The following EVI5L variants were observed in gnomAD, a reference collection of about 807,000 sequenced individuals.
EVI5L encodes ecotropic viral integration site 5 like.
In EVI5L, 30 loss-of-function variants were observed where a neutral mutation model predicts 106.1. The observed-to-expected ratio is 0.28, with a 90% confidence interval of 0.21 to 0.38. The LOEUF (loss-of-function observed/expected upper bound fraction) is 0.38, where lower values mean the gene tolerates loss of function less well. Among genes scored for constraint, EVI5L ranks in the 10% least tolerant of loss-of-function variants. The pLI is 1.00. For synonymous variants in EVI5L, 489 were observed against 483.3 expected, an observed-to-expected ratio of 1.01 and a Z score of -0.15; for missense variants, 809 against 1,098.0, an observed-to-expected ratio of 0.74 and a Z score of 3.72.
chr19:7,860,910 C>A (rs1022043911), intron 14 of EVI5L, among the ~76,000 whole-genome samples: 1 of 152,140 alleles, frequency 6.6e-6, no homozygotes, highest in Non-Finnish European at 1.5e-5. Flanking sequence ...TTCCCGGATA[C>A]CTGCATCCCA....
chr19:7,848,516 G>A lies in EVI5L; in HGVS notation c.328-405G>A, dbSNP rs1979071036. Among the ~76,000 whole-genome samples, 1 of 151,900 alleles carries A rather than the reference G, an allele frequency of 6.6e-6. No homozygotes were observed. Among genetic ancestry groups the A allele is most frequent in the Admixed American group, 6.6e-5 (1 of 15,234 alleles). On this transcript the variant is annotated intron_variant, in intron 3 of 19. Transcript: ENST00000538904. This position sits in a 1 kb window ranked among gnomAD's most constrained non-coding sequence, Gnocchi z 4.8. ...GGAGGCTGAGGCAGGAGAATCACTTGAACCTGGGAGGCAAGAGGTAGCAGT... is the reference window on the plus strand; with the variant it reads ...GGAGGCTGAGGCAGGAGAATCACTTAAACCTGGGAGGCAAGAGGTAGCAGT...
At chr19:7,834,069 C>A (rs901793216) in intron 1 of EVI5L, among the ~76,000 whole-genome samples, 1 of 152,276 alleles carries the variant, frequency 6.6e-6, no homozygotes, top group East Asian at 1.9e-4. Flanking sequence ...ATCTGAGGCC[C>A]GGCACGGTGG....
chr19:7,849,312 G>A lies in EVI5L; in HGVS notation c.609G>A (p.Val203=). 4 of 1,614,158 alleles carry A rather than the reference G, an allele frequency of 2.5e-6. No individual in the cohort carries two copies. Among genetic ancestry groups the A allele is most frequent in the Non-Finnish European group, 3.4e-6 (4 of 1,180,034 alleles). The change falls in exon 5 of 20, where the codon GTG becomes GTA. Residue 203 remains valine, a synonymous_variant. Transcript: ENST00000538904. ...ACTGCCAGGGAAGCGCCTTCATCGTGGGCCTGCTCCTCATGCAGGTAGGTG... is the reference window on the plus strand; with the variant it reads ...ACTGCCAGGGAAGCGCCTTCATCGTAGGCCTGCTCCTCATGCAGGTAGGTG... ...VGYCQGSAFI[V]GLLLMQMPEE...
chr19:7,864,498 T>C lies in EVI5L; in HGVS notation c.*796T>C, dbSNP rs1347538660. The C allele has an allele frequency of 6.6e-6, 1 of 152,276 alleles. No individual in the cohort carries two copies. Among genetic ancestry groups the C allele is most frequent in the East Asian group, 1.9e-4 (1 of 5,174 alleles). The allele number at this position is 152,276 out of a possible 1,614,324, so 9.4% of individuals were successfully genotyped here. On this transcript the variant is annotated 3_prime_UTR_variant, in exon 20 of 20. Transcript: ENST00000538904. The surrounding 1 kb of genome is among the most constrained non-coding windows in gnomAD (Gnocchi z 4.5). ...GGGGTATCTCTACAGGGGTCCTCGG[T>C]CTCCATCTACTTCCCTTTCTTCATG...
In EVI5L at chr19:7,845,985, C is replaced by T. The variant is rs1035295214; in HGVS notation, c.-47-511C>T. On this transcript the variant is annotated intron_variant, in intron 1 of 19. Coordinates refer to ENST00000538904, the MANE Select transcript of EVI5L (RefSeq NM_001159944.3). This position sits in a 1 kb window ranked among gnomAD's most constrained non-coding sequence, Gnocchi z 4.0. ...ACAGTCGAAAGTAATTGCTCTTGGC[C>T]GTGCCAGCAGCCCACTTTGGTTGAT... Among the ~76,000 whole-genome samples, 3 of 152,158 alleles carry T rather than the reference C, an allele frequency of 2.0e-5. No individual in the cohort carries two copies. The highest frequency in any genetic ancestry group is 7.2e-5 in the African/African-American group (3 of 41,420).
chr19:7,853,664 G>A, intron 10 of EVI5L: 1 of 364,128 alleles, frequency 2.7e-6, no homozygotes, highest in Non-Finnish European at 5.2e-6. Context: ...CGGTGGGCAA[G>A]GCTGACTTGG....
chr19:7,859,981 C>G (rs1030222099), intron 13 of EVI5L, among the ~76,000 whole-genome samples: 1 of 152,250 alleles, frequency 6.6e-6, no homozygotes, highest in African/African-American at 2.4e-5. Context: ...GCCCGGCTCC[C>G]ACCCCAGGGA....
In EVI5L at chr19:7,861,842, C is replaced by T. The variant is rs769119825; in HGVS notation, c.1504-36C>T. On this transcript the variant is annotated intron_variant, in intron 14 of 19. Coordinates refer to ENST00000538904, the MANE Select transcript of EVI5L (RefSeq NM_001159944.3). ...CTGCAGGAAGGGCCATGCGGCTGCG[C>T]TGCTCCCCCAGGCCCTGACCCCACT... 3.9e-6 allele frequency: 6 copies of T among 1,548,840 alleles called. No homozygotes were observed. In the South Asian group the frequency reaches 7.1e-5, roughly 18 times the overall value.
At position 7,851,762 on chromosome 19, in the gene EVI5L, A is replaced by T; in HGVS notation, c.979A>T (p.Met327Leu). ...GCTGATGCAGCTGGACATGGAGGGGATGTCCCAGGTGGGCCGGGAGGGCCA... is the reference window on the plus strand; with the variant it reads ...GCTGATGCAGCTGGACATGGAGGGGTTGTCCCAGGTGGGCCGGGAGGGCCA... ...AELMQLDMEGMSQYFQRVIPH... is the reference protein window; with the variant it reads ...AELMQLDMEGLSQYFQRVIPH... Residue 327 changes from methionine to leucine, a missense_variant, in exon 8 of 20, where the codon ATG (methionine) becomes TTG (leucine). Physicochemically the swap from Met to Leu is conservative, Grantham distance 15. This residue lies in a region of EVI5L where 357 missense variants were observed against 588.1 expected (regional missense o/e 0.61). Coordinates refer to ENST00000538904, the MANE Select transcript of EVI5L (RefSeq NM_001159944.3). 1 of 1,503,760 alleles carries T rather than the reference A, an allele frequency of 6.6e-7. No homozygotes were observed. Among genetic ancestry groups the T allele is most frequent in the African/African-American group, 1.4e-5 (1 of 70,668 alleles). 93.2% of individuals were successfully genotyped at this position (1,503,760 alleles called of 1,614,324 possible). A position where few individuals can be genotyped will look rare whatever the true frequency, so the allele number is the denominator to read the frequency against.
intron 8 of EVI5L, 150 bp from the exon 9 acceptor site, chr19:7,852,936 C>G (rs550579091): frequency 1.4e-6 from 1 of 711,196 alleles, no homozygotes; most frequent in South Asian, 1.7e-5. Flanking sequence ...CTTTCCATTG[C>G]TCCACAAACA....
intron 10 of EVI5L, 152 bp downstream of exon 10, chr19:7,853,485 C>G (rs1979364413): frequency 3.0e-6 from 3 of 1,012,420 alleles, no homozygotes; most frequent in Non-Finnish European, 2.9e-6. Context: ...CCACCTGCGC[C>G]GTCCTTCACC....
chr19:7,838,469 G>A (rs978819146), intron 1 of EVI5L, among the ~76,000 whole-genome samples: 39 of 152,332 alleles, frequency 2.6e-4, no homozygotes, highest in African/African-American at 9.4e-4. Context: ...CAGGGGTGAA[G>A]GGTCCTTTCT....
intron 1 of EVI5L, among the ~76,000 whole-genome samples, chr19:7,831,165 G>A (rs1030541890): frequency 4.0e-5 from 6 of 149,286 alleles, no homozygotes; most frequent in Non-Finnish European, 8.9e-5. Context: ...AAGACCTCCC[G>A]TTGGATATTC....
In EVI5L at chr19:7,845,963, G is replaced by C. The variant is rs1023808787; in HGVS notation, c.-47-533G>C. Among the ~76,000 whole-genome samples, 1 of 152,222 alleles carries C rather than the reference G, an allele frequency of 6.6e-6. No homozygotes were observed. Among genetic ancestry groups the C allele is most frequent in the Admixed American group, 6.5e-5 (1 of 15,284 alleles). ...CATTGGCAGCGCCAGACAATTAACA[G>C]TCGAAAGTAATTGCTCTTGGCCGTG... On this transcript the variant is annotated intron_variant, in intron 1 of 19. Coordinates refer to ENST00000538904, the MANE Select transcript of EVI5L (RefSeq NM_001159944.3). This position sits in a 1 kb window ranked among gnomAD's most constrained non-coding sequence, Gnocchi z 4.0.
At chr19:7,862,875 G>A (rs1979908057) in intron 17 of EVI5L, 97 bp from the exon 18 acceptor site, 2 of 678,716 alleles carry the variant, frequency 2.9e-6, no homozygotes, top group Non-Finnish European at 2.1e-6. Context: ...CTCCGCCCGC[G>A]GCCCCGCCTC....
rs1220281231 is a variant in EVI5L at position 7,835,827 on chromosome 19, A to G, written c.-48+5446A>G. ...GGCCATTTCCCCAGAGGTCAGAGCC[A>G]GCCAAGACAGCAGCAGTCTGTCAGG... On this transcript the variant is annotated intron_variant, in intron 1 of 19. Transcript: ENST00000538904. This position sits in a 1 kb window ranked among gnomAD's most constrained non-coding sequence, Gnocchi z 4.1. Among the ~76,000 whole-genome samples, 1 of 152,248 alleles carries G rather than the reference A, an allele frequency of 6.6e-6. No individual in the cohort carries two copies. Among genetic ancestry groups the G allele is most frequent in the African/African-American group, 2.4e-5 (1 of 41,470 alleles).
At chr19:7,844,602 T>C (rs1334214193) in intron 1 of EVI5L, among the ~76,000 whole-genome samples, 1 of 152,218 alleles carries the variant, frequency 6.6e-6, no homozygotes, top group East Asian at 1.9e-4. Flanking sequence ...CGGGCAGACT[T>C]TGACTCTGTG....
intron 1 of EVI5L, among the ~76,000 whole-genome samples, chr19:7,843,329 AGT>A (rs140438574): frequency 5.7e-5 from 4 of 70,680 alleles, no homozygotes; most frequent in Non-Finnish European, 8.6e-5. Flanking sequence ...GGGTGTGTTG[AGT>A]GTGCATGTGT....
intron 1 of EVI5L, among the ~76,000 whole-genome samples, chr19:7,842,202 G>A (rs1272383061): frequency 1.5e-5 from 1 of 68,016 alleles, no homozygotes; most frequent in Non-Finnish European, 3.4e-5. Context: ...TGTTGTGTGT[G>A]CATGTATATG....
Sources: allele counts gnomAD v4.1 joint callset (sites outside exome capture counted in the v4.1 genomes callset), GRCh38; gene constraint gnomAD v4.1.1; regional missense constraint gnomAD v4.1.1; non-coding constraint Gnocchi (gnomAD v3.1); transcripts MANE v1.5; gene names NCBI Gene and HGNC (gene_info 2026-07-23, HGNC 2026-07-21).